Variants in EIPR1 observed in about 807,000 individuals in gnomAD.
EIPR1 encodes the protein EARP and GARP complex-interacting protein 1.
A neutral mutation model predicts 48.1 loss-of-function variants in EIPR1; 25 were observed. The observed-to-expected ratio is 0.52, with a 90% CI of 0.38 to 0.73. EIPR1 has a LOEUF of 0.73. Among genes scored for constraint, EIPR1 ranks in the 30% least tolerant of loss-of-function variants. The pLI is 0.00. For synonymous variants in EIPR1, 204 were observed against 201.9 expected (o/e 1.01, Z -0.09); for missense variants, 415 against 506.2 (o/e 0.82, Z 1.73).
chr2:3,243,642 C>T (rs1666705799), intron 4 of EIPR1, among the ~76,000 whole-genome samples: 1 of 151,798 alleles, frequency 6.6e-6, no homozygotes, highest in Non-Finnish European at 1.5e-5. Flanking sequence ...AAAAAAAACC[C>T]AAAATGAAAT....
At chr2:3,366,280 C>T (rs1670972597) in intron 1 of EIPR1, among the ~76,000 whole-genome samples, 1 of 152,108 alleles carries the variant, frequency 6.6e-6, no homozygotes, top group Admixed American at 6.5e-5. Flanking sequence ...TGCACTCCAG[C>T]CTGGGTGACA....
chr2:3,198,733 G>A (rs1048043462), intron 5 of EIPR1, among the ~76,000 whole-genome samples: 1 of 152,134 alleles, frequency 6.6e-6, no homozygotes, highest in Non-Finnish European at 1.5e-5. Flanking sequence ...ATTTTCAAAG[G>A]GGAGGGAGTG....
intron 5 of EIPR1, among the ~76,000 whole-genome samples, chr2:3,202,598 T>G (rs1002400991): frequency 6.6e-6 from 1 of 152,210 alleles, no homozygotes; most frequent in East Asian, 1.9e-4. Flanking sequence ...AAGTTCTTGA[T>G]GACTCGTGTG....
At chr2:3,328,170 C>G (rs1390250973) in intron 3 of EIPR1, among the ~76,000 whole-genome samples, 1 of 152,218 alleles carries the variant, frequency 6.6e-6, no homozygotes, top group African/African-American at 2.4e-5. Flanking sequence ...GTCCAAACAT[C>G]CGTGCTCACA....
intron 4 of EIPR1, among the ~76,000 whole-genome samples, chr2:3,247,337 G>C (rs1666864918): frequency 6.6e-6 from 1 of 152,108 alleles, no homozygotes; most frequent in South Asian, 2.1e-4. Context: ...TACAGTGAAG[G>C]TGCATAACTC....
At chr2:3,322,705 C>T (rs190092277) in intron 3 of EIPR1, among the ~76,000 whole-genome samples, 8 of 152,320 alleles carry the variant, frequency 5.3e-5, no homozygotes, top group East Asian at 1.9e-4. Flanking sequence ...CCACAGGGTC[C>T]GGTGAAGACA....
intron 3 of EIPR1, among the ~76,000 whole-genome samples, chr2:3,321,355 A>G (rs1669523015): frequency 6.6e-6 from 1 of 152,218 alleles, no homozygotes; most frequent in Non-Finnish European, 1.5e-5. Context: ...GGCATGCTTG[A>G]GAAATGTATC....
At chr2:3,219,669 C>G (rs1409494310) in intron 4 of EIPR1, among the ~76,000 whole-genome samples, 2 of 30,414 alleles carry the variant, frequency 6.6e-5, no homozygotes, top group Non-Finnish European at 1.2e-4. Context: ...AGAGCATTCA[C>G]AGTGACTCAG....
chr2:3,309,259 G>T (rs1408827910), intron 3 of EIPR1, among the ~76,000 whole-genome samples: 1 of 152,158 alleles, frequency 6.6e-6, no homozygotes, highest in African/African-American at 2.4e-5. Flanking sequence ...TCCTCTCGAG[G>T]TAGGAAAATG....
At chr2:3,290,369 C>T (rs112861793) in intron 3 of EIPR1, among the ~76,000 whole-genome samples, 137 of 152,300 alleles carry the variant, frequency 9.0e-4, no homozygotes, top group African/African-American at 2.9e-3. Flanking sequence ...AGGAAGAGTC[C>T]TTTTTAAAGA....
rs368214122 is a variant in EIPR1 at position 3,189,441 on chromosome 2, C to T, written c.1057G>A (p.Val353Met). The change falls in exon 9 of 9, where the codon GTG becomes ATG. Residue 353 changes from valine (V) to methionine (M), a missense_variant. Physicochemically the swap from Val to Met is conservative, Grantham distance 21. Coordinates refer to ENST00000382125, the MANE Select transcript of EIPR1 (RefSeq NM_003310.5). The surrounding 1 kb of genome is among the most constrained non-coding windows in gnomAD (Gnocchi z 4.6). ...YEEHEDSVYAVDWSSADPWLF... is the reference protein window; with the variant it reads ...YEEHEDSVYAMDWSSADPWLF... Reference sequence around the variant, plus strand: ...CACGGGTCAGCCGAGGACCAGTCCACGGCATAGACGCTGTCCTCGTGCTCC... The same window carrying T: ...CACGGGTCAGCCGAGGACCAGTCCATGGCATAGACGCTGTCCTCGTGCTCC... The T allele has an allele frequency of 5.7e-6, 9 of 1,591,186 alleles. No individual in the cohort carries two copies. Among genetic ancestry groups the T allele is most frequent in the South Asian group, 2.3e-5 (2 of 88,220 alleles).
At chr2:3,327,368 G>A (rs1227922031) in intron 3 of EIPR1, among the ~76,000 whole-genome samples, 1 of 152,140 alleles carries the variant, frequency 6.6e-6, no homozygotes, top group Non-Finnish European at 1.5e-5. Flanking sequence ...ATTTTTAGTA[G>A]AGATGGGGTT....
At chr2:3,284,450 G>A (rs373889541) in intron 3 of EIPR1, among the ~76,000 whole-genome samples, 6 of 120,386 alleles carry the variant, frequency 5.0e-5, no homozygotes, top group African/African-American at 1.2e-4. Flanking sequence ...ACAGAAGGCC[G>A]CGCCACGGCT....
Position 3,329,223 on chromosome 2 carries a change from G to T in EIPR1, c.259+8794C>A, listed in dbSNP as rs74188699. ...CCCCTGAATCAGAGCCCACCCACCA[G>T]GCTCTAGTGATCTCAGGGCACCAGC... On this transcript the variant is annotated intron_variant, in intron 3 of 8. Transcript: ENST00000382125. 3.9e-3 allele frequency among the ~76,000 whole-genome samples: 160 copies of T among 40,550 alleles called. No individual in the cohort carries two copies. In the East Asian group the frequency reaches 0.04, roughly 10 times the overall value. 26.6% of individuals were successfully genotyped at this position (40,550 alleles called of 152,430 possible). A position where few individuals can be genotyped will look rare whatever the true frequency, so the allele number is the denominator to read the frequency against.
In EIPR1 at chr2:3,197,554, G is replaced by C. The variant is rs956848461; in HGVS notation, c.517-537C>G. On this transcript the variant is annotated intron_variant, in intron 5 of 8. Transcript: ENST00000382125. ...GAAGGCCTCAGCAAGGCCCTCTGGG[G>C]CTGGTGTTAGGGCTAAAACCTCCCC... Among the ~76,000 whole-genome samples the C allele has an allele frequency of 3.9e-5, 6 of 152,356 alleles. No individual in the cohort carries two copies. In the East Asian group the frequency reaches 1.2e-3, roughly 29 times the overall value.
At chr2:3,293,925 AAATTT>A (rs1453284625) in intron 3 of EIPR1, among the ~76,000 whole-genome samples, 1 of 152,196 alleles carries the variant, frequency 6.6e-6, no homozygotes, top group Non-Finnish European at 1.5e-5. Flanking sequence ...TTTCTTCCTT[AAATTT>A]AATTAAATGG....
chr2:3,333,698 G>T (rs1669963308), intron 3 of EIPR1, among the ~76,000 whole-genome samples: 1 of 146,866 alleles, frequency 6.8e-6, no homozygotes, highest in South Asian at 2.1e-4. Context: ...CCAAGATTGT[G>T]CCACTGCACT....
At chr2:3,303,882 C>A (rs958751620) in intron 3 of EIPR1, among the ~76,000 whole-genome samples, 11 of 152,190 alleles carry the variant, frequency 7.2e-5, no homozygotes, top group Non-Finnish European at 1.3e-4. Context: ...CCCAAAGAGT[C>A]AATCGCTGTC....
At chr2:3,219,680 G>A (rs1487779366) in intron 4 of EIPR1, among the ~76,000 whole-genome samples, 3 of 150,514 alleles carry the variant, frequency 2.0e-5, no homozygotes, top group Admixed American at 6.6e-5. Flanking sequence ...AGTGACTCAG[G>A]TGCACACCCA....
Sources: allele counts gnomAD v4.1 joint callset (sites outside exome capture counted in the v4.1 genomes callset), GRCh38; gene constraint gnomAD v4.1.1; non-coding constraint Gnocchi (gnomAD v3.1); transcripts MANE v1.5; gene names NCBI Gene and HGNC (gene_info 2026-07-23, HGNC 2026-07-21).